CHRM3: variants seen among roughly 807,000 people sequenced by gnomAD.
CHRM3 encodes cholinergic receptor muscarinic 3, also known as muscarinic acetylcholine receptor M3.
Under a neutral mutation model 41.8 loss-of-function variants are expected in CHRM3, and 11 were observed. The ratio of observed to expected loss-of-function variants is 0.26; its 90% CI spans 0.17 to 0.44. CHRM3 has a LOEUF of 0.44. Among genes scored for constraint, CHRM3 ranks in the 20% least tolerant of loss-of-function variants. The pLI is 1.00. For synonymous variants in CHRM3, 297 were observed against 301.4 expected, an observed-to-expected ratio of 0.99 and a Z score of 0.15; for missense variants, 571 against 745.4, an observed-to-expected ratio of 0.77 and a Z score of 2.72.
chr1:239,854,087 G>A (rs929291893), intron 6 of CHRM3, among the ~76,000 whole-genome samples: 1 of 151,974 alleles, frequency 6.6e-6, no homozygotes, highest in East Asian at 1.9e-4. Context: ...ATGAGTCACA[G>A]TATAAAATCT....
intron 4 of CHRM3, among the ~76,000 whole-genome samples, chr1:239,658,976 GATCC>G (rs1398173496): frequency 1.4e-4 from 21 of 152,108 alleles, no homozygotes; most frequent in Admixed American, 1.3e-3. Context: ...GACCTCAAGT[GATCC>G]ATCCACCTTG....
At chr1:239,752,624 C>T (rs1665922551) in intron 5 of CHRM3, among the ~76,000 whole-genome samples, 1 of 152,096 alleles carries the variant, frequency 6.6e-6, no homozygotes, top group Non-Finnish European at 1.5e-5. Context: ...AGGATAAGTA[C>T]CATGTGGATT....
At chr1:239,640,715 A>G (rs1671036076) in intron 4 of CHRM3, among the ~76,000 whole-genome samples, 3 of 150,648 alleles carry the variant, frequency 2.0e-5, no homozygotes, top group East Asian at 3.9e-4. Flanking sequence ...TCAAAAAACC[A>G]GCTCCTGGAT....
At chr1:239,587,733 A>G (rs1282098915) in intron 3 of CHRM3, among the ~76,000 whole-genome samples, 1 of 152,202 alleles carries the variant, frequency 6.6e-6, no homozygotes, top group Non-Finnish European at 1.5e-5. Context: ...CCAGGGCTGC[A>G]TTCAGGAATT....
At chr1:239,446,143 G>C (rs556216893) in intron 1 of CHRM3, among the ~76,000 whole-genome samples, 1 of 152,206 alleles carries the variant, frequency 6.6e-6, no homozygotes, top group African/African-American at 2.4e-5. Context: ...CACCATGTTG[G>C]CCAGGATGGT....
chr1:239,494,827 T>A (rs1667778861), intron 2 of CHRM3, among the ~76,000 whole-genome samples: 1 of 152,170 alleles, frequency 6.6e-6, no homozygotes, highest in Non-Finnish European at 1.5e-5. Flanking sequence ...ATTAGTTTGC[T>A]GAGGATAATG....
chr1:239,459,118 G>T (rs1357634795), intron 1 of CHRM3, among the ~76,000 whole-genome samples: 2 of 152,108 alleles, frequency 1.3e-5, no homozygotes, highest in Non-Finnish European at 2.9e-5. Context: ...GTGGACAGGG[G>T]ATTTTGTAAC....
chr1:239,519,935 G>A (rs1283740442), intron 2 of CHRM3, among the ~76,000 whole-genome samples: 1 of 151,888 alleles, frequency 6.6e-6, no homozygotes, highest in Admixed American at 6.6e-5. Context: ...TTTTAGTAGA[G>A]ACGGGGTTTC....
At chr1:239,617,654 A>T (rs1667779206) in intron 3 of CHRM3, among the ~76,000 whole-genome samples, 1 of 152,204 alleles carries the variant, frequency 6.6e-6, no homozygotes, top group Non-Finnish European at 1.5e-5. Context: ...GGATTACTTC[A>T]GTCCAGGGGT....
chr1:239,834,536 C>T (rs1289173078), intron 6 of CHRM3, among the ~76,000 whole-genome samples: 2 of 152,114 alleles, frequency 1.3e-5, no homozygotes, highest in African/African-American at 4.8e-5. Context: ...AAGCATTCTA[C>T]ACTTACCTGC....
In CHRM3 at chr1:239,830,340, G is replaced by A. The variant is rs1046805406; in HGVS notation, c.-20+2962G>A. 1.3e-4 allele frequency among the ~76,000 whole-genome samples: 20 copies of A among 152,148 alleles called. 1 individual carries two copies. Among genetic ancestry groups the A allele is most frequent in the Admixed American group, 9.2e-4 (14 of 15,272 alleles). On this transcript the variant is annotated intron_variant, in intron 6 of 6. Coordinates refer to ENST00000676153, the MANE Select transcript of CHRM3 (RefSeq NM_001375978.1). ...AGTCAAAATATGTGTGACTTAAAGC[G>A]GTGTATGTGAAATTTAACATGATGC...
intron 4 of CHRM3, among the ~76,000 whole-genome samples, chr1:239,675,877 G>A (rs963686540): frequency 6.6e-6 from 1 of 152,060 alleles, no homozygotes; most frequent in African/African-American, 2.4e-5. Context: ...GAGGGAAAAG[G>A]AAGGTAAAAA....
chr1:239,852,108 A>G (rs1674744380), intron 6 of CHRM3, among the ~76,000 whole-genome samples: 4 of 152,162 alleles, frequency 2.6e-5, no homozygotes, highest in Admixed American at 2.0e-4. Context: ...TTCAACTCCA[A>G]TAAACTCTCT....
At chr1:239,587,116 G>A (rs999110467) in intron 3 of CHRM3, among the ~76,000 whole-genome samples, 1 of 152,124 alleles carries the variant, frequency 6.6e-6, no homozygotes, top group African/African-American at 2.4e-5. Context: ...TCTGTCACAG[G>A]ATGATCAGAA....
intron 6 of CHRM3, among the ~76,000 whole-genome samples, chr1:239,860,627 T>G (rs963724902): frequency 1.3e-5 from 2 of 152,204 alleles, no homozygotes; most frequent in Admixed American, 6.5e-5. Context: ...AGCCTGAATG[T>G]AATTTCATGC....
intron 2 of CHRM3, among the ~76,000 whole-genome samples, chr1:239,531,375 A>G (rs1221434803): frequency 1.3e-5 from 2 of 152,152 alleles, no homozygotes; most frequent in Non-Finnish European, 1.5e-5. Context: ...AATTTTACTT[A>G]GCATATGCAA....
intron 3 of CHRM3, among the ~76,000 whole-genome samples, chr1:239,616,020 G>A (rs1040349247): frequency 1.3e-5 from 2 of 152,124 alleles, no homozygotes; most frequent in South Asian, 4.1e-4. Context: ...AAAAAATAGT[G>A]TTATTTAAAA....
At chr1:239,891,926 G>T (rs1355119156) in intron 6 of CHRM3, among the ~76,000 whole-genome samples, 4 of 152,184 alleles carry the variant, frequency 2.6e-5, no homozygotes, top group African/African-American at 4.8e-5. Context: ...AAGGGTGGGG[G>T]TATAGCAAGG....
intron 4 of CHRM3, among the ~76,000 whole-genome samples, chr1:239,638,777 A>G (rs1214255630): frequency 6.6e-6 from 1 of 151,970 alleles, no homozygotes. Flanking sequence ...ATTAGATCCC[A>G]TTTGTCAATT....
Sources: gnomAD v4.1 joint callset for allele counts (sites outside exome capture counted in the v4.1 genomes callset) on GRCh38, gnomAD v4.1.1 for gene constraint, MANE v1.5 for transcripts, NCBI Gene and HGNC (gene_info 2026-07-23, HGNC 2026-07-21) for gene names.